Variants in FNBP1 observed in about 807,000 individuals in gnomAD.
FNBP1 encodes formin-binding protein 1.
A neutral mutation model predicts 90.6 loss-of-function variants in FNBP1; 26 were observed. That is an observed-to-expected ratio of 0.29 (90% CI 0.21 to 0.40). The LOEUF (loss-of-function observed/expected upper bound fraction) is 0.40, where lower values mean the gene tolerates loss of function less well. Ranked by LOEUF, FNBP1 falls within the 10% of genes least tolerant of loss-of-function variation. The pLI, the probability that FNBP1 is intolerant of heterozygous loss-of-function variation, is 1.00. For missense variants in FNBP1, 635 were observed against 768.0 expected (o/e 0.83, Z 2.05); for synonymous variants, 260 against 265.2 (o/e 0.98, Z 0.19).
chr9:129,994,257 C>CGG (rs2053648306), intron 2 of FNBP1, among the ~76,000 whole-genome samples: 1 of 152,228 alleles, frequency 6.6e-6, no homozygotes, highest in Non-Finnish European at 1.5e-5. Context: ...CCACCACATG[C>CGG]TACCACATGG....
intron 2 of FNBP1, among the ~76,000 whole-genome samples, chr9:129,981,091 C>CTTGT (rs1209727742): frequency 1.3e-5 from 2 of 148,254 alleles, no homozygotes; most frequent in East Asian, 2.0e-4. Context: ...AGCATGTTTT[C>CTTGT]TTGTTTGTTT....
At chr9:130,028,069 G>T (rs2058515132) in intron 1 of FNBP1, among the ~76,000 whole-genome samples, 2 of 152,100 alleles carry the variant, frequency 1.3e-5, no homozygotes, top group South Asian at 4.1e-4. Context: ...CATGCCTGGG[G>T]GCATCACTTT....
At chr9:129,906,138 C>T (rs1388030768) in intron 12 of FNBP1, among the ~76,000 whole-genome samples, 1 of 152,012 alleles carries the variant, frequency 6.6e-6, no homozygotes, top group Admixed American at 6.6e-5. Flanking sequence ...CTGCCTCAGC[C>T]TCCCAAAGTG....
Position 129,986,175 on chromosome 9 carries a change from TATGAC to T in FNBP1, c.141-6806_141-6802del, listed in dbSNP as rs1225244525. 5.9e-5 allele frequency among the ~76,000 whole-genome samples: 9 copies of T among 151,876 alleles called. No individual in the cohort carries two copies. In the East Asian group the frequency reaches 1.7e-3, roughly 29 times the overall value. ...TAATAAATATAAGCAAAGTGAAAGA[TATGAC>T]AGGTAATACAGAAGCAAAAGAAAAA... On this transcript the variant is annotated intron_variant, in intron 2 of 16. Transcript: ENST00000446176.
At chr9:130,038,150 C>A (rs903021020) in intron 1 of FNBP1, among the ~76,000 whole-genome samples, 4 of 151,890 alleles carry the variant, frequency 2.6e-5, no homozygotes, top group African/African-American at 7.2e-5. Context: ...GTCAGGAAAT[C>A]GAGACCATCC....
At chr9:130,002,518 CT>C (rs1233750516) in intron 1 of FNBP1, among the ~76,000 whole-genome samples, 2 of 152,164 alleles carry the variant, frequency 1.3e-5, no homozygotes, top group Admixed American at 6.6e-5. Context: ...CACCTCCCCC[CT>C]CTCTATTGTG....
At chr9:129,937,857 A>G (rs1365805383) in intron 6 of FNBP1, among the ~76,000 whole-genome samples, 1 of 152,092 alleles carries the variant, frequency 6.6e-6, no homozygotes, top group African/African-American at 2.4e-5. Flanking sequence ...TATATAACCT[A>G]GAAGTGAACC....
chr9:130,045,221 C>CGGCCA (rs777128625), upstream of FNBP1: 4 of 152,142 alleles, frequency 2.6e-5, no homozygotes, highest in Non-Finnish European at 4.4e-5. Flanking sequence ...ACAATGAGAA[C>CGGCCA]GGCCAGCTAC....
rs913486235 is a variant in FNBP1 at position 129,902,247 on chromosome 9, A to G, written c.1428+622T>C. Among the ~76,000 whole-genome samples the G allele has an allele frequency of 2.0e-5, 3 of 152,034 alleles. No individual in the cohort carries two copies. In the East Asian group the frequency reaches 5.8e-4, roughly 29 times the overall value. On this transcript the variant is annotated intron_variant, in intron 13 of 16. Transcript: ENST00000446176. ...ATTCACTGGGATAACGGATCGCTCT[A>G]TACTCCCAATTTTATTACCATGAGA...
chr9:129,922,921 A>G (rs1045442848), intron 10 of FNBP1, among the ~76,000 whole-genome samples: 1 of 151,972 alleles, frequency 6.6e-6, no homozygotes, highest in African/African-American at 2.4e-5. Flanking sequence ...GGGTTTGACT[A>G]TGTTGTACTG....
At chr9:129,907,455 G>C (rs2038319952) in intron 12 of FNBP1, among the ~76,000 whole-genome samples, 1 of 152,088 alleles carries the variant, frequency 6.6e-6, no homozygotes, top group Non-Finnish European at 1.5e-5. Flanking sequence ...TGGAGTGCTT[G>C]GTATTTAACA....
At chr9:129,995,711 A>G (rs983676352) in intron 1 of FNBP1, among the ~76,000 whole-genome samples, 1 of 152,222 alleles carries the variant, frequency 6.6e-6, no homozygotes, top group African/African-American at 2.4e-5. Flanking sequence ...TGCTAGCAAC[A>G]GCTAATGCAA....
chr9:129,930,990 T>C (rs148370430), intron 6 of FNBP1, among the ~76,000 whole-genome samples: 64 of 152,330 alleles, frequency 4.2e-4, no homozygotes, highest in African/African-American at 1.5e-3. Flanking sequence ...TGTTTTGTTT[T>C]ACTGAACCAA....
At chr9:130,004,059 A>C (rs1033966330) in intron 1 of FNBP1, among the ~76,000 whole-genome samples, 1 of 152,086 alleles carries the variant, frequency 6.6e-6, no homozygotes, top group African/African-American at 2.4e-5. Context: ...GTTTTCCTCC[A>C]AAGTCTAGGT....
intron 1 of FNBP1, among the ~76,000 whole-genome samples, chr9:130,007,303 G>A (rs1035986248): frequency 2.0e-5 from 3 of 149,640 alleles, no homozygotes; most frequent in African/African-American, 7.4e-5. Flanking sequence ...ACAAAAAGTT[G>A]CATTTTCATA....
chr9:129,893,707 G>GAGCC (rs1480516792), intron 16 of FNBP1, among the ~76,000 whole-genome samples: 2 of 149,960 alleles, frequency 1.3e-5, no homozygotes, highest in Non-Finnish European at 3.0e-5. Context: ...ATGAGGTCAG[G>GAGCC]AGATCAAGAC....
chr9:130,048,314 CAA>C, the FNBP1 span, among the ~76,000 whole-genome samples: 48 of 50,706 alleles, frequency 9.5e-4, no homozygotes, highest in African/African-American at 1.3e-3. Flanking sequence ...GACTCCATCT[CAA>C]AAAAAAAAAA....
At chr9:129,918,751 G>A (rs549525249) in intron 10 of FNBP1, among the ~76,000 whole-genome samples, 8 of 151,914 alleles carry the variant, frequency 5.3e-5, no homozygotes, top group Admixed American at 1.3e-4. Flanking sequence ...TCACTCTCCC[G>A]TGACCACGCA....
At chr9:129,892,324 C>T (rs1285564580) in intron 16 of FNBP1, among the ~76,000 whole-genome samples, 1 of 150,402 alleles carries the variant, frequency 6.6e-6, no homozygotes, top group Non-Finnish European at 1.5e-5. Flanking sequence ...GGAAGTTACT[C>T]TAGTCTAAAT....
Sources: gnomAD v4.1 joint callset for allele counts (sites outside exome capture counted in the v4.1 genomes callset) on GRCh38, gnomAD v4.1.1 for gene constraint, MANE v1.5 for transcripts, NCBI Gene and HGNC (gene_info 2026-07-23, HGNC 2026-07-21) for gene names.